GNG7: variants seen among roughly 807,000 people sequenced by gnomAD.
GNG7 encodes the protein G protein subunit gamma 7.
GNG7 carries 1 observed loss-of-function variant against 4.0 expected under a neutral mutation model. The observed-to-expected ratio is 0.25, with a 90% CI of 0.09 to 1.18. The LOEUF is 1.18. Among genes scored for constraint, GNG7 ranks in the 50% most tolerant of loss-of-function variants. The probability of loss-of-function intolerance (pLI) is 0.50; values close to 1 mark genes in which losing one functional copy is unlikely to be tolerated. For synonymous variants in GNG7, 34 were observed against 36.9 expected (o/e 0.92, Z 0.29); for missense variants, 86 against 91.9 (o/e 0.94, Z 0.26).
rs1175526574 is a variant in GNG7 at position 2,542,107 on chromosome 19, C to CTTTTT, written c.-38+13037_-38+13041dup. ...CTCATGGGAGGCAGCGCTGTGTGTT[C>CTTTTT]TTTTTTTTTTTTTTTTTTTTTTTTT... is the stretch of plus-strand genomic sequence containing the variant. On this transcript the variant is annotated intron_variant, in intron 3 of 4. Coordinates refer to ENST00000382159, the MANE Select transcript of GNG7 (RefSeq NM_052847.3). Among the ~76,000 whole-genome samples the CTTTTT allele has an allele frequency of 6.1e-3, 397 of 64,562 alleles. 26 individuals are homozygous for CTTTTT. Among genetic ancestry groups the CTTTTT allele is most frequent in the Non-Finnish European group, 7.4e-3 (269 of 36,162 alleles). 42.4% of individuals were successfully genotyped at this position (64,562 alleles called of 152,430 possible).
intron 2 of GNG7, among the ~76,000 whole-genome samples, chr19:2,569,433 A>G (rs534425883): frequency 6.4e-4 from 97 of 151,578 alleles, no homozygotes; most frequent in South Asian, 4.4e-3. Flanking sequence ...CCGCCACCAC[A>G]CCCGGCTAAT....
intron 1 of GNG7, among the ~76,000 whole-genome samples, chr19:2,661,313 A>G (rs1359653340): frequency 7.1e-6 from 1 of 140,052 alleles, no homozygotes; most frequent in Non-Finnish European, 1.5e-5. Flanking sequence ...AGAAAGAAAG[A>G]AAGAAAGAAA....
intron 1 of GNG7, among the ~76,000 whole-genome samples, chr19:2,651,579 T>C (rs1163678056): frequency 6.8e-6 from 1 of 147,910 alleles, no homozygotes. Flanking sequence ...CTCTCTCTTT[T>C]TTTTTTAAGA....
intron 2 of GNG7, among the ~76,000 whole-genome samples, chr19:2,613,633 G>C (rs895989092): frequency 2.6e-5 from 4 of 151,904 alleles, no homozygotes; most frequent in Non-Finnish European, 5.9e-5. Flanking sequence ...CCCCTAACCT[G>C]GGCGGGGGGT....
intron 2 of GNG7, among the ~76,000 whole-genome samples, chr19:2,600,226 G>T (rs1981157803): frequency 6.6e-6 from 1 of 150,756 alleles, no homozygotes; most frequent in African/African-American, 2.4e-5. Context: ...TTTATATTAG[G>T]AGGATGACAC....
chr19:2,558,128 A>C (rs80154122), intron 2 of GNG7, among the ~76,000 whole-genome samples: 125,114 of 151,658 alleles, frequency 0.82, 51,938 homozygotes, highest in African/African-American at 0.91. Flanking sequence ...GGCGTGAGCC[A>C]CCGCGCCCGG....
intron 3 of GNG7, among the ~76,000 whole-genome samples, chr19:2,539,963 TCCTC>T (rs961405707): frequency 1.4e-5 from 2 of 141,978 alleles, no homozygotes; most frequent in African/African-American, 5.2e-5. Flanking sequence ...CTTCCTTCCT[TCCTC>T]CCTCCCTCCT....
intron 1 of GNG7, among the ~76,000 whole-genome samples, chr19:2,698,518 T>G (rs1913326039): frequency 1.3e-5 from 2 of 151,418 alleles, no homozygotes; most frequent in African/African-American, 4.9e-5. Flanking sequence ...GAGCCAAGAT[T>G]GCACCATTGC....
At chr19:2,559,365 T>C (rs1157902074) in intron 2 of GNG7, among the ~76,000 whole-genome samples, 4 of 151,218 alleles carry the variant, frequency 2.6e-5, no homozygotes, top group African/African-American at 7.3e-5. Flanking sequence ...TTTTTTTTTT[T>C]TTTGGAGACA....
rs1294558407 is a variant in GNG7, at chr19:2,633,485, G to GCACACACACACACACACA, written c.-78+12738_-78+12739insTGTGTGTGTGTGTGTGTG. Reference sequence around the variant, plus strand: ...CTTAGCAACAGGCGCGCGCGCGCGCGCGCACACACACACACACACACACAC... The same window carrying GCACACACACACACACACA: ...CTTAGCAACAGGCGCGCGCGCGCGCGCACACACACACACACACACGCACACACACACACACACACACAC... On this transcript the variant is annotated intron_variant, in intron 2 of 4. Transcript: ENST00000382159. The surrounding 1 kb of genome is among the most constrained non-coding windows in gnomAD (Gnocchi z 5.9). Among the ~76,000 whole-genome samples the GCACACACACACACACACA allele has an allele frequency of 7.6e-6, 1 of 131,914 alleles. No individual in the cohort carries two copies. Among genetic ancestry groups the GCACACACACACACACACA allele is most frequent in the Non-Finnish European group, 1.6e-5 (1 of 62,046 alleles). The allele number at this position is 131,914 out of a possible 152,430, so 86.5% of individuals were successfully genotyped here.
At chr19:2,675,489 T>C (rs1394413404) in intron 1 of GNG7, among the ~76,000 whole-genome samples, 2 of 151,806 alleles carry the variant, frequency 1.3e-5, no homozygotes, top group East Asian at 3.9e-4. Context: ...GCAGGGAGCG[T>C]TATTTAGCAA....
At chr19:2,689,852 G>T (rs1913093568) in intron 1 of GNG7, among the ~76,000 whole-genome samples, 1 of 152,038 alleles carries the variant, frequency 6.6e-6, no homozygotes. Flanking sequence ...TTCGGTAAGA[G>T]TCCAGATACC....
chr19:2,552,067 TC>T (rs1460828189), intron 3 of GNG7, among the ~76,000 whole-genome samples: 1 of 152,080 alleles, frequency 6.6e-6, no homozygotes, highest in East Asian at 1.9e-4. Context: ...GGCATCAGAT[TC>T]TCATAGAAGC....
At position 2,546,099 on chromosome 19, in the gene GNG7, C is replaced by T. The variant is rs1182739563; in HGVS notation, c.-38+9050G>A. ...TCCCCTGGCAGCTGGGATGCAGGCC[C>T]CCCACGGCCTGCCATGTTCTCACCA... is the stretch of plus-strand genomic sequence containing the variant. On this transcript the variant is annotated intron_variant, in intron 3 of 4. Transcript: ENST00000382159. This position sits in a 1 kb window ranked among gnomAD's most constrained non-coding sequence, Gnocchi z 6.3. 6.6e-6 allele frequency among the ~76,000 whole-genome samples: 1 copy of T among 152,216 alleles called. No homozygotes were observed. The highest frequency in any genetic ancestry group is 1.9e-4 in the East Asian group (1 of 5,194).
chr19:2,525,552 A>G (rs999576512), intron 3 of GNG7, among the ~76,000 whole-genome samples: 7 of 152,016 alleles, frequency 4.6e-5, no homozygotes, highest in African/African-American at 1.4e-4. Flanking sequence ...CAGCCCCGAA[A>G]CAGAGCAGAC....
intron 3 of GNG7, among the ~76,000 whole-genome samples, chr19:2,533,392 G>A (rs1302422246): frequency 6.6e-6 from 1 of 152,000 alleles, no homozygotes; most frequent in Non-Finnish European, 1.5e-5. Flanking sequence ...GAAAACAGAG[G>A]TTGCTGCCTC....
At chr19:2,539,960 C>G (rs1454602991) in intron 3 of GNG7, among the ~76,000 whole-genome samples, 2 of 147,006 alleles carry the variant, frequency 1.4e-5, no homozygotes, top group African/African-American at 5.0e-5. Flanking sequence ...TGCCTTCCTT[C>G]CTTCCTCCCT....
chr19:2,623,985 C>G (rs1412449572), intron 2 of GNG7, among the ~76,000 whole-genome samples: 1 of 152,116 alleles, frequency 6.6e-6, no homozygotes, highest in Non-Finnish European at 1.5e-5. Flanking sequence ...GTTGCTTCCA[C>G]CTTTTGGCTG....
At chr19:2,580,708 G>A (rs1057003382) in intron 2 of GNG7, among the ~76,000 whole-genome samples, 11 of 148,070 alleles carry the variant, frequency 7.4e-5, no homozygotes, top group South Asian at 4.3e-4. Context: ...TCAAGGGATC[G>A]TCCCCACTCA....
Sources: gnomAD v4.1 joint callset for allele counts (sites outside exome capture counted in the v4.1 genomes callset) on GRCh38, gnomAD v4.1.1 for gene constraint, Gnocchi (gnomAD v3.1) non-coding constraint, MANE v1.5 for transcripts, NCBI Gene and HGNC (gene_info 2026-07-23, HGNC 2026-07-21) for gene names.